Variants in ASB9 observed in about 807,000 individuals in gnomAD.
The protein encoded by ASB9 is ankyrin repeat and SOCS box protein 9.
Under a neutral mutation model 16.6 loss-of-function variants are expected in ASB9, and 5 were observed. The observed-to-expected ratio is 0.30, with a 90% confidence interval of 0.16 to 0.63. The LOEUF (loss-of-function observed/expected upper bound fraction) is 0.63. ASB9 is among the 30% of genes least tolerant of loss of function. The probability of loss-of-function intolerance (pLI) is 0.82; values close to 1 mark genes in which losing one functional copy is unlikely to be tolerated. For missense variants in ASB9, 216 were observed against 229.4 expected, an observed-to-expected ratio of 0.94 and a Z score of 0.38; for synonymous variants, 100 against 86.4, an observed-to-expected ratio of 1.16 and a Z score of -0.87.
intron 1 of ASB9, among the ~76,000 whole-genome samples, chrX:15,267,902 T>C (rs1009958599): frequency 1.8e-5 from 2 of 111,367 alleles, no homozygotes; most frequent in Non-Finnish European, 3.8e-5. Context: ...CATTGAGTAC[T>C]CTGCTCATTT....
intron 1 of ASB9, among the ~76,000 whole-genome samples, chrX:15,265,293 C>T (rs1437340458): frequency 8.9e-6 from 1 of 112,041 alleles, no homozygotes; most frequent in East Asian, 2.8e-4. Context: ...CTGTATCCTC[C>T]CCTCCTCATC....
chrX:15,263,962 G>C (rs115802225), intron 1 of ASB9, among the ~76,000 whole-genome samples: 1,951 of 111,463 alleles, frequency 0.018, 37 homozygotes, highest in African/African-American at 0.059. Context: ...AAGTTTCTAT[G>C]AGTAGGTATA....
At chrX:15,246,470 T>C (rs982991675) in intron 6 of ASB9, among the ~76,000 whole-genome samples, 1 of 111,314 alleles carries the variant, frequency 9.0e-6, no homozygotes, top group African/African-American at 3.3e-5. Context: ...GCAACAACCA[T>C]TGATGTTTTG....
At chrX:15,249,972 G>A (rs947625345) in intron 5 of ASB9, among the ~76,000 whole-genome samples, 2 of 111,974 alleles carry the variant, frequency 1.8e-5, no homozygotes, top group Non-Finnish European at 3.8e-5. Context: ...AAAGAAATAA[G>A]GGTACATAGG....
At chrX:15,261,452 G>A (rs780487659) in intron 1 of ASB9, among the ~76,000 whole-genome samples, 1 of 111,215 alleles carries the variant, frequency 9.0e-6, no homozygotes, top group Non-Finnish European at 1.9e-5. Flanking sequence ...TATTATTGTC[G>A]ACAGGCTAAA....
chrX:15,244,738 T>A, intron 6 of ASB9, 108 bp from the exon 7 acceptor site: 1 of 872,499 alleles, frequency 1.1e-6, no homozygotes, highest in Non-Finnish European at 1.5e-6. Context: ...AAGGAAATAA[T>A]ATTGAACTAT....
intron 3 of ASB9, among the ~76,000 whole-genome samples, chrX:15,253,404 C>A (rs1194108783): frequency 1.8e-5 from 2 of 110,341 alleles, no homozygotes; most frequent in African/African-American, 6.6e-5. Context: ...CCAACCTGGG[C>A]AACATGATAA....
At chrX:15,258,990 A>C (rs1416864573) in intron 1 of ASB9, 45 bp from the exon 2 acceptor site, 2 of 1,033,904 alleles carry the variant, frequency 1.9e-6, no homozygotes, top group South Asian at 4.2e-5. Context: ...TAATGCACTT[A>C]GACCCAGAGG....
chrX:15,254,969 T>G, intron 2 of ASB9, 125 bp from the exon 3 acceptor site: 1 of 474,900 alleles, frequency 2.1e-6, no homozygotes, highest in Non-Finnish European at 3.5e-6. Context: ...TACACTAAGG[T>G]GTTTATATTG....
In ASB9 at chrX:15,258,458, T is replaced by C. The variant is rs922385593; in HGVS notation, c.174+408A>G. On this transcript the variant is annotated intron_variant, in intron 2 of 6. Coordinates refer to ENST00000380488, the MANE Select transcript of ASB9 (RefSeq NM_001031739.3). ...AATGGCTTAAGATAGTGGCTTAGGA[T>C]AGTATGAAATTTTTCTTTAGAAATT... 9.8e-5 allele frequency among the ~76,000 whole-genome samples: 11 copies of C among 112,215 alleles called. No homozygotes were observed. In the South Asian group the frequency reaches 1.5e-3, roughly 15 times the overall value.
intron 4 of ASB9, among the ~76,000 whole-genome samples, chrX:15,251,800 G>A (rs1402191589): frequency 8.9e-6 from 1 of 112,579 alleles, no homozygotes; most frequent in East Asian, 2.8e-4. Context: ...AAGTGTCACT[G>A]AGACAATGTT....
At chrX:15,269,698 A>T in intron 1 of ASB9, 83 bp downstream of exon 1, 2 of 773,336 alleles carry the variant, frequency 2.6e-6, no homozygotes, top group Non-Finnish European at 3.7e-6. Context: ...CCTCACACAG[A>T]GCCACTGAAA....
Position 15,266,711 on chromosome X carries a change from T to C in ASB9, c.94+3070A>G, listed in dbSNP as rs193003463. Among the ~76,000 whole-genome samples the C allele has an allele frequency of 8.7e-3, 928 of 106,557 alleles. 18 individuals are homozygous for C. Among genetic ancestry groups the C allele is most frequent in the African/African-American group, 0.03 (864 of 29,125 alleles). 92.5% of individuals were successfully genotyped at this position (106,557 alleles called of 115,157 possible). A position where few individuals can be genotyped will look rare whatever the true frequency, so the allele number is the denominator to read the frequency against. The stretch of plus-strand genomic sequence containing the variant: ...CAGCACTTTGGGAGGCCAAGGTGGG[T>C]GGATCACGAGGTCAGGAGATTGAGA... On this transcript the variant is annotated intron_variant, in intron 1 of 6. Transcript: ENST00000380488.
intron 3 of ASB9, 37 bp downstream of exon 3, chrX:15,254,700 T>C (rs867805676): frequency 8.4e-6 from 9 of 1,074,748 alleles, no homozygotes; most frequent in Non-Finnish European, 6.5e-6. Flanking sequence ...TCATTTTTCA[T>C]TCTTGGTTTC....
rs771622474 is a variant in ASB9, at chrX:15,250,453, C to G, written c.545G>C (p.Cys182Ser). 2 of 1,211,214 alleles carry G rather than the reference C, an allele frequency of 1.7e-6. No individual in the cohort carries two copies. The highest frequency in any genetic ancestry group is 2.2e-6 in the Non-Finnish European group (2 of 895,099). Residue 182 changes from cysteine (C) to serine (S), a missense_variant, in exon 5 of 7, where the codon TGT becomes TCT. Cys to Ser is a moderately radical substitution (Grantham distance 112). Transcript: ENST00000380488. ...ACCTGACTCCAGAAGCTTCTTGACA[C>G]AGGCTCTCTGTTGGTTTTCACAAGC... Reference protein sequence around the residue: ...YLACENQQRACVKKLLESGAD... With the variant: ...YLACENQQRASVKKLLESGAD...
At chrX:15,253,707 C>T (rs1020454959) in intron 3 of ASB9, among the ~76,000 whole-genome samples, 3 of 112,114 alleles carry the variant, frequency 2.7e-5, no homozygotes, top group Non-Finnish European at 5.6e-5. Flanking sequence ...ACAGAAATTT[C>T]GAAGTTAATG....
At chrX:15,265,938 G>C (rs1926354058) in intron 1 of ASB9, among the ~76,000 whole-genome samples, 2 of 109,973 alleles carry the variant, frequency 1.8e-5, no homozygotes, top group Admixed American at 1.9e-4. Flanking sequence ...CGGGTAGCTG[G>C]GATTACAGGC....
intron 4 of ASB9, among the ~76,000 whole-genome samples, chrX:15,251,301 G>A (rs1925099820): frequency 9.0e-6 from 1 of 111,467 alleles, no homozygotes; most frequent in African/African-American, 3.3e-5. Flanking sequence ...CCTCTCCAAA[G>A]GCAGGCCCGG....
At chrX:15,250,621 G>C in intron 4 of ASB9, 57 bp from the exon 5 acceptor site, 2 of 1,100,834 alleles carry the variant, frequency 1.8e-6, no homozygotes, top group Non-Finnish European at 1.2e-6. Flanking sequence ...TAGCTAGAAA[G>C]ACATTGCCAT....
Sources: allele counts gnomAD v4.1 joint callset (sites outside exome capture counted in the v4.1 genomes callset), GRCh38; gene constraint gnomAD v4.1.1; transcripts MANE v1.5; gene names NCBI Gene and HGNC (gene_info 2026-07-23, HGNC 2026-07-21).